Variants in ITSN2 observed in about 807,000 individuals in gnomAD.
ITSN2 encodes the protein intersectin-2.
A neutral mutation model predicts 243.7 loss-of-function variants in ITSN2; 156 were observed. The ratio of observed to expected loss-of-function variants is 0.64; its 90% CI spans 0.56 to 0.73. The LOEUF (loss-of-function observed/expected upper bound fraction) is 0.73, where lower values mean the gene tolerates loss of function less well. ITSN2 is among the 30% of genes least tolerant of loss of function. The pLI is 0.00. For missense variants in ITSN2, 1,801 were observed against 1,996.1 expected (o/e 0.90, Z 1.86); for synonymous variants, 703 against 699.9 (o/e 1.00, Z -0.07).
intron 8 of ITSN2, among the ~76,000 whole-genome samples, chr2:24,304,653 C>T (rs1191428294): frequency 2.6e-5 from 4 of 151,982 alleles, no homozygotes; most frequent in African/African-American, 7.2e-5. Flanking sequence ...AGATGGAAGG[C>T]TATTTCAAAC....
At chr2:24,221,969 G>A (rs1014212602) in intron 29 of ITSN2, among the ~76,000 whole-genome samples, 2 of 152,196 alleles carry the variant, frequency 1.3e-5, no homozygotes, top group South Asian at 2.1e-4. Flanking sequence ...AAAAGCAGCC[G>A]GGCATGGTGG....
chr2:24,234,574 GA>G (rs371741179), intron 29 of ITSN2, among the ~76,000 whole-genome samples: 1 of 151,696 alleles, frequency 6.6e-6, no homozygotes, highest in East Asian at 1.9e-4. Context: ...GGCACAGACT[GA>G]AAAAAAATTT....
intron 22 of ITSN2, among the ~76,000 whole-genome samples, chr2:24,258,639 ACC>A (rs1469489133): frequency 1.3e-5 from 2 of 152,032 alleles, no homozygotes; most frequent in African/African-American, 4.8e-5. Flanking sequence ...CTTCTATTAT[ACC>A]CTTTCATTTT....
At chr2:24,250,118 C>G (rs932717298) in intron 25 of ITSN2, among the ~76,000 whole-genome samples, 2 of 152,172 alleles carry the variant, frequency 1.3e-5, no homozygotes, top group South Asian at 2.1e-4. Flanking sequence ...TTTAAAAGTT[C>G]TGTGTGACTA....
At chr2:24,319,637 G>A (rs916328730) in intron 2 of ITSN2, among the ~76,000 whole-genome samples, 6 of 152,132 alleles carry the variant, frequency 3.9e-5, no homozygotes, top group Non-Finnish European at 7.3e-5. Flanking sequence ...CAAAAACAAG[G>A]ACTAGACTCA....
intron 23 of ITSN2, among the ~76,000 whole-genome samples, chr2:24,255,146 A>G (rs777651882): frequency 5.3e-5 from 8 of 152,256 alleles, no homozygotes; most frequent in East Asian, 1.9e-4. Context: ...AACTGAATGC[A>G]TAGTTAGAAG....
chr2:24,239,753 G>A (rs1297978815), intron 29 of ITSN2: 1 of 152,068 alleles, frequency 6.6e-6, no homozygotes, highest in Non-Finnish European at 1.5e-5. Flanking sequence ...TTGGCTGAAT[G>A]AGGTATTGCA....
rs545165323 is a variant in ITSN2 at position 24,339,369 on chromosome 2, G to A, written c.-33-11254C>T. Among the ~76,000 whole-genome samples the A allele has an allele frequency of 3.3e-5, 5 of 151,966 alleles. No homozygotes were observed. In the South Asian group the frequency reaches 1.0e-3, roughly 31 times the overall value. ...GCCTGTAGTCCCAGCTACTCAGGAA[G>A]CTGAGGTGGGAGGGTCACTTGAACT... On this transcript the variant is annotated intron_variant, in intron 1 of 39. Coordinates refer to ENST00000355123, the MANE Select transcript of ITSN2 (RefSeq NM_006277.3).
intron 5 of ITSN2, chr2:24,311,515 G>C (rs1683257861): frequency 6.0e-6 from 1 of 166,970 alleles, no homozygotes; most frequent in Admixed American, 6.6e-5. Flanking sequence ...CAAGCAGCCA[G>C]AACTACAGGC....
In ITSN2 at chr2:24,204,583, G is replaced by T; in HGVS notation, c.4763-165C>A. On this transcript the variant is annotated intron_variant, in intron 38 of 39. Transcript: ENST00000355123. This position sits in a 1 kb window ranked among gnomAD's most constrained non-coding sequence, Gnocchi z 5.1. ...CATATCCCTGTGGTCTAGTAACAGG[G>T]TCTCCAAGTTCCCAGTGCTGACAGC... The T allele has an allele frequency of 2.8e-6, 2 of 702,610 alleles. No homozygotes were observed. The highest frequency in any genetic ancestry group is 5.2e-6 in the Non-Finnish European group (2 of 387,544). 43.5% of individuals were successfully genotyped at this position (702,610 alleles called of 1,614,324 possible). A position where few individuals can be genotyped will look rare whatever the true frequency, so the allele number is the denominator to read the frequency against.
intron 18 of ITSN2, among the ~76,000 whole-genome samples, chr2:24,274,260 A>C (rs1177365856): frequency 6.6e-6 from 1 of 152,158 alleles, no homozygotes; most frequent in Non-Finnish European, 1.5e-5. Flanking sequence ...TTATCTCGTT[A>C]GGAGGCCACA....
intron 5 of ITSN2, chr2:24,311,700 C>T (rs1045547337): frequency 2.4e-5 from 4 of 167,084 alleles, no homozygotes; most frequent in African/African-American, 7.2e-5. Context: ...AACCGGTTAT[C>T]GCTGATGAAT....
In ITSN2 at chr2:24,209,852, G is replaced by A. The variant is rs1202759973; in HGVS notation, c.4439C>T (p.Ser1480Leu). The change falls in exon 35 of 40, where the codon TCG (serine) becomes TTG (leucine). Residue 1480 changes from serine to leucine, a missense_variant. Transcript: ENST00000355123. ...CATTTTGAATTGAGCATTGGACTTC[G>A]AGCTGAAAAGTTTCTCAGAGCCAGA... Reference protein sequence around the residue: ...VSSGSEKLFSSKSNAQFKMYK... With the variant: ...VSSGSEKLFSLKSNAQFKMYK... 1.2e-6 allele frequency: 2 copies of A among 1,614,008 alleles called. No homozygotes were observed. The highest frequency in any genetic ancestry group is 1.3e-5 in the African/African-American group (1 of 74,902).
At chr2:24,256,384 T>A (rs887355968) in intron 23 of ITSN2, among the ~76,000 whole-genome samples, 25 of 152,330 alleles carry the variant, frequency 1.6e-4, no homozygotes, top group African/African-American at 6.0e-4. Context: ...AACTGAAGAT[T>A]AAGTAGGTTA....
intron 8 of ITSN2, among the ~76,000 whole-genome samples, chr2:24,304,352 A>C (rs1682209806): frequency 1.3e-5 from 2 of 152,240 alleles, no homozygotes; most frequent in South Asian, 4.1e-4. Flanking sequence ...AGCTCCAACT[A>C]CAACAAAAGC....
rs527626363 is a variant in ITSN2, at chr2:24,257,514, T to C, written c.2888+374A>G. ...CTCTGTCACCCAGGCTAGAGTGCAATGGCGTCATCTTGGCTCACTGCAACC... is the reference window on the plus strand; with the variant it reads ...CTCTGTCACCCAGGCTAGAGTGCAACGGCGTCATCTTGGCTCACTGCAACC... On this transcript the variant is annotated intron_variant, in intron 23 of 39. Coordinates refer to ENST00000355123, the MANE Select transcript of ITSN2 (RefSeq NM_006277.3). 2.0e-5 allele frequency among the ~76,000 whole-genome samples: 3 copies of C among 151,848 alleles called. No homozygotes were observed. In the East Asian group the frequency reaches 5.8e-4, roughly 29 times the overall value.
chr2:24,210,161 T>G, intron 34 of ITSN2, 128 bp from the exon 35 acceptor site: 1 of 653,684 alleles, frequency 1.5e-6, no homozygotes, highest in Non-Finnish European at 2.7e-6. Flanking sequence ...GCTAGAATCA[T>G]TCACTTTGCA....
chr2:24,317,084 T>G (rs1684018420), intron 2 of ITSN2, among the ~76,000 whole-genome samples: 1 of 152,158 alleles, frequency 6.6e-6, no homozygotes, highest in Non-Finnish European at 1.5e-5. Flanking sequence ...TGGCTTTACG[T>G]TAAAAAGTGG....
chr2:24,265,677 A>G (rs968566292), intron 20 of ITSN2, among the ~76,000 whole-genome samples: 4 of 152,216 alleles, frequency 2.6e-5, no homozygotes, highest in African/African-American at 9.7e-5. Flanking sequence ...TTCTTAGTGT[A>G]GAATTTGAAT....
Sources: allele counts gnomAD v4.1 joint callset (sites outside exome capture counted in the v4.1 genomes callset), GRCh38; gene constraint gnomAD v4.1.1; non-coding constraint Gnocchi (gnomAD v3.1); transcripts MANE v1.5; gene names NCBI Gene and HGNC (gene_info 2026-07-23, HGNC 2026-07-21).